Variants in SHISA9 observed in about 807,000 individuals in gnomAD.
SHISA9 encodes the protein protein shisa-9.
A neutral mutation model predicts 38.0 loss-of-function variants in SHISA9; 13 were observed. The observed-to-expected ratio is 0.34, with a 90% confidence interval of 0.22 to 0.54. The LOEUF (loss-of-function observed/expected upper bound fraction) is 0.54. Among genes scored for constraint, SHISA9 ranks in the 20% least tolerant of loss-of-function variants. The probability of loss-of-function intolerance (pLI) is 0.91; values close to 1 mark genes in which losing one functional copy is unlikely to be tolerated. For missense variants in SHISA9, 538 were observed against 575.8 expected, an observed-to-expected ratio of 0.93 and a Z score of 0.67; for synonymous variants, 275 against 242.0, an observed-to-expected ratio of 1.14 and a Z score of -1.27.
In SHISA9 at chr16:12,967,251, C is replaced by T. The variant is rs1009167039; in HGVS notation, c.691+50436C>T. Among the ~76,000 whole-genome samples the T allele has an allele frequency of 3.9e-5, 6 of 152,160 alleles. No homozygotes were observed. The East Asian group carries it at 9.6e-4, about 24-fold the overall frequency. The stretch of plus-strand genomic sequence containing the variant: ...GCCATAAAAAATGATGAGTTCATGT[C>T]GTTTGTAGGGACATAGATGAAGCTG... On this transcript the variant is annotated intron_variant, in intron 2 of 4. Coordinates refer to ENST00000558583, the MANE Select transcript of SHISA9 (RefSeq NM_001145204.3).
intron 2 of SHISA9, among the ~76,000 whole-genome samples, chr16:13,142,309 C>T (rs1270270279): frequency 6.6e-6 from 1 of 152,166 alleles, no homozygotes; most frequent in East Asian, 1.9e-4. Context: ...TCAGTAATAG[C>T]CCACGTGTTC....
chr16:12,957,547 C>T (rs2071852494), intron 2 of SHISA9, among the ~76,000 whole-genome samples: 1 of 152,152 alleles, frequency 6.6e-6, no homozygotes. Flanking sequence ...ATCCCATTCA[C>T]AAATGCTTCA....
chr16:12,960,295 AT>A (rs930047051), intron 2 of SHISA9, among the ~76,000 whole-genome samples: 1 of 151,930 alleles, frequency 6.6e-6, no homozygotes, highest in African/African-American at 2.4e-5. Flanking sequence ...TTATTTTATT[AT>A]TTTTTTTAAG....
At chr16:13,356,700 C>T in the SHISA9 span, among the ~76,000 whole-genome samples, 2 of 151,956 alleles carry the variant, frequency 1.3e-5, no homozygotes, top group African/African-American at 2.4e-5. Context: ...GGGGTTGGTT[C>T]TGAGGGGACA....
chr16:13,552,154 G>A, the SHISA9 span, among the ~76,000 whole-genome samples: 4 of 152,122 alleles, frequency 2.6e-5, no homozygotes, highest in Non-Finnish European at 5.9e-5. Context: ...ATAAGATGCA[G>A]GCTTCTCCAG....
intron 2 of SHISA9, among the ~76,000 whole-genome samples, chr16:13,033,245 G>A (rs2073013244): frequency 6.6e-6 from 1 of 152,150 alleles, no homozygotes; most frequent in South Asian, 2.1e-4. Flanking sequence ...TACAATTAGG[G>A]TGAAAATGGA....
At chr16:13,505,893 C>T in the SHISA9 span, among the ~76,000 whole-genome samples, 1 of 152,114 alleles carries the variant, frequency 6.6e-6, no homozygotes, top group Admixed American at 6.5e-5. Context: ...CTGAGGCATT[C>T]GATTGTTGTT....
chr16:13,236,184 G>A lies in SHISA9; in HGVS notation c.*775G>A, dbSNP rs547296333. 8.5e-5 allele frequency: 13 copies of A among 152,280 alleles called. 1 individual carries two copies. Among genetic ancestry groups the A allele is most frequent in the East Asian group, 5.8e-4 (3 of 5,186 alleles). The allele number at this position is 152,280 out of a possible 1,614,324, so 9.4% of individuals were successfully genotyped here. On this transcript the variant is annotated 3_prime_UTR_variant, in exon 5 of 5. Transcript: ENST00000558583. ...GAGAACTCCCATAAGGACCATGACC[G>A]TGGAAATGGGAGGGATGGGCTTTTA...
chr16:13,345,163 C>G, the SHISA9 span, among the ~76,000 whole-genome samples: 35 of 151,910 alleles, frequency 2.3e-4, no homozygotes, highest in African/African-American at 8.5e-4. Context: ...ATATAGGTAA[C>G]CTTGTGTCAT....
intron 2 of SHISA9, among the ~76,000 whole-genome samples, chr16:13,112,318 A>G (rs1439335951): frequency 6.6e-6 from 1 of 152,108 alleles, no homozygotes; most frequent in African/African-American, 2.4e-5. Context: ...AATAAGAGAA[A>G]GAGGGAAGAA....
chr16:13,285,462 G>GTTTTTTTTTTTTTTTTTTTTT, the SHISA9 span, among the ~76,000 whole-genome samples: 1 of 95,786 alleles, frequency 1.0e-5, no homozygotes, highest in African/African-American at 4.2e-5. Flanking sequence ...TTCAGGTGTA[G>GTTTTTTTTTTTTTTTTTTTTT]TTTTTTTTTT....
the SHISA9 span, among the ~76,000 whole-genome samples, chr16:13,534,592 A>C: frequency 6.6e-6 from 1 of 152,158 alleles, no homozygotes; most frequent in Non-Finnish European, 1.5e-5. Context: ...TTAATTTTCA[A>C]CCCTCTTTTT....
At chr16:13,435,890 T>C in the SHISA9 span, among the ~76,000 whole-genome samples, 1 of 152,164 alleles carries the variant, frequency 6.6e-6, no homozygotes, top group African/African-American at 2.4e-5. Flanking sequence ...CAGGTTTCTG[T>C]GCAAGCATAA....
chr16:13,450,138 C>T, the SHISA9 span, among the ~76,000 whole-genome samples: 2 of 152,082 alleles, frequency 1.3e-5, no homozygotes, highest in African/African-American at 4.8e-5. Flanking sequence ...ACACAAAGCT[C>T]GCCAAAGGCA....
At chr16:13,160,284 A>G (rs118134072) in intron 2 of SHISA9, among the ~76,000 whole-genome samples, 10 of 152,196 alleles carry the variant, frequency 6.6e-5, no homozygotes, top group African/African-American at 2.4e-4. Context: ...AGGTGGATAC[A>G]GCTTAGTTAA....
At chr16:12,966,319 C>G (rs796530301) in intron 2 of SHISA9, among the ~76,000 whole-genome samples, 8 of 146,494 alleles carry the variant, frequency 5.5e-5, no homozygotes, top group African/African-American at 2.0e-4. Context: ...CTTCCTGGAT[C>G]TTCCCTGATG....
chr16:13,260,675 A>T, the SHISA9 span, among the ~76,000 whole-genome samples: 1 of 152,250 alleles, frequency 6.6e-6, no homozygotes, highest in Admixed American at 6.5e-5. Context: ...GGAAGTTCCA[A>T]ACTCTCCCAC....
Position 13,124,216 on chromosome 16 carries a change from A to G in SHISA9, c.692-79178A>G, listed in dbSNP as rs946678393. Among the ~76,000 whole-genome samples the G allele has an allele frequency of 2.6e-5, 4 of 152,244 alleles. No individual in the cohort carries two copies. The East Asian group carries it at 5.8e-4, about 22-fold the overall frequency. On this transcript the variant is annotated intron_variant, in intron 2 of 4. Transcript: ENST00000558583. ...AGCCTGACAGAGGCAGCATGCAGGA[A>G]GATTGACAACATTGCTCACACTATT... is the stretch of plus-strand genomic sequence containing the variant.
chr16:13,516,847 T>G, the SHISA9 span, among the ~76,000 whole-genome samples: 3 of 151,724 alleles, frequency 2.0e-5, no homozygotes, highest in Non-Finnish European at 4.4e-5. Context: ...ACTGATCACA[T>G]ACATCCATTA....
Sources: gnomAD v4.1 joint callset for allele counts (sites outside exome capture counted in the v4.1 genomes callset) on GRCh38, gnomAD v4.1.1 for gene constraint, MANE v1.5 for transcripts, NCBI Gene and HGNC (gene_info 2026-07-23, HGNC 2026-07-21) for gene names.